PCDHA3: variants seen among roughly 807,000 people sequenced by gnomAD.
The protein encoded by PCDHA3 is protocadherin alpha-3.
PCDHA3 carries 41 observed loss-of-function variants against 62.2 expected under a neutral mutation model. That is an observed-to-expected ratio of 0.66 (90% CI 0.51 to 0.86). PCDHA3 has a LOEUF of 0.86. Ranked by LOEUF, PCDHA3 falls within the 40% of genes least tolerant of loss-of-function variation. PCDHA3 has a pLI of 0.00. For missense variants in PCDHA3, 1,304 were observed against 1,241.2 expected, an observed-to-expected ratio of 1.05 and a Z score of -0.76; for synonymous variants, 640 against 555.4, an observed-to-expected ratio of 1.15 and a Z score of -2.14.
At chr5:141,002,807 C>T (rs1297773193) in intron 3 of PCDHA3, among the ~76,000 whole-genome samples, 1 of 152,152 alleles carries the variant, frequency 6.6e-6, no homozygotes, top group Non-Finnish European at 1.5e-5. Flanking sequence ...GAAACTGAGG[C>T]TCAGAGATAT....
Position 140,802,938 on chromosome 5 carries a change from G to A in PCDHA3, c.1741G>A (p.Val581Met), listed in dbSNP as rs1581656451. 6.2e-7 allele frequency: 1 copy of A among 1,613,838 alleles called. No homozygotes were observed. The highest frequency in any genetic ancestry group is 8.5e-7 in the Non-Finnish European group (1 of 1,179,884). ...GGIGGAVSELVPRSVGAGHVV... is the reference protein window; with the variant it reads ...GGIGGAVSELMPRSVGAGHVV... ...CATCGGTGGCGCAGTGAGCGAGCTG[G>A]TGCCGCGGTCAGTGGGTGCGGGCCA... The change falls in exon 1 of 4, where the codon GTG becomes ATG. Residue 581 changes from valine to methionine, a missense_variant. Transcript: ENST00000522353.
At chr5:140,949,670 T>G (rs1218670800) in intron 1 of PCDHA3, among the ~76,000 whole-genome samples, 2 of 151,862 alleles carry the variant, frequency 1.3e-5, no homozygotes, top group African/African-American at 4.8e-5. Flanking sequence ...CTTTAAAGTA[T>G]GCCCTTGTTG....
chr5:140,835,702 G>T, intron 1 of PCDHA3: 1 of 1,613,922 alleles, frequency 6.2e-7, no homozygotes, highest in South Asian at 1.1e-5. Context: ...GCCACTGCTA[G>T]CGTGTCCGTG....
intron 1 of PCDHA3, chr5:140,851,868 C>A: frequency 1.0e-6 from 1 of 976,710 alleles, no homozygotes; most frequent in Non-Finnish European, 1.2e-6. Context: ...ATACATAACA[C>A]AAGGCAGAAA....
chr5:140,853,680 C>T (rs142269623), intron 1 of PCDHA3: 5 of 988,078 alleles, frequency 5.1e-6, no homozygotes, highest in Non-Finnish European at 6.1e-6. Flanking sequence ...TATGGTCAAC[C>T]TATCCTTAGA....
At position 141,012,226 on chromosome 5, in the gene PCDHA3, A is replaced by G. The variant is rs1021307000; in HGVS notation, c.*2289A>G. Reference sequence around the variant, plus strand: ...TTTTACATTTGCGAAGTGCTTTCCAATCCATGTTAGTTACTAGTTATTACA... The same window carrying G: ...TTTTACATTTGCGAAGTGCTTTCCAGTCCATGTTAGTTACTAGTTATTACA... On this transcript the variant is annotated 3_prime_UTR_variant, in exon 4 of 4. Transcript: ENST00000522353. The G allele has an allele frequency of 2.6e-5, 4 of 153,758 alleles. No individual in the cohort carries two copies. Among genetic ancestry groups the G allele is most frequent in the African/African-American group, 9.7e-5 (4 of 41,442 alleles). 9.5% of individuals were successfully genotyped at this position (153,758 alleles called of 1,614,324 possible). A position where few individuals can be genotyped will look rare whatever the true frequency, so the allele number is the denominator to read the frequency against.
chr5:140,822,477 T>G (rs201571132), intron 1 of PCDHA3: 746 of 1,613,830 alleles, frequency 4.6e-4, no homozygotes, highest in Non-Finnish European at 6.1e-4. Flanking sequence ...TATTGGATGC[T>G]AATGATAACG....
rs1289602070 is a variant in PCDHA3, at chr5:140,823,010, T to A, written c.2394+19419T>A. 3 of 1,614,120 alleles carry A rather than the reference T, an allele frequency of 1.9e-6. No homozygotes were observed. In the African/African-American group the frequency reaches 4.0e-5, roughly 22 times the overall value. On this transcript the variant is annotated intron_variant, in intron 1 of 3. Coordinates refer to ENST00000522353, the MANE Select transcript of PCDHA3 (RefSeq NM_018906.3). Reference sequence around the variant, plus strand: ...TACTCGTTGGTGCTGGACAGCGCCCTGGACCGCGAGAGCGTGTCGGTCTAT... The same window carrying A: ...TACTCGTTGGTGCTGGACAGCGCCCAGGACCGCGAGAGCGTGTCGGTCTAT...
chr5:140,876,723 C>G, intron 1 of PCDHA3: 2 of 1,614,250 alleles, frequency 1.2e-6, no homozygotes, highest in African/African-American at 2.7e-5. Flanking sequence ...ACCGCGAGAG[C>G]GTGTCGGCCT....
In PCDHA3 at chr5:140,808,480, C is replaced by T. The variant is rs782378137; in HGVS notation, c.2394+4889C>T. The T allele has an allele frequency of 2.5e-6, 4 of 1,614,062 alleles. No homozygotes were observed. The East Asian group carries it at 6.7e-5, about 27-fold the overall frequency. Reference sequence around the variant, plus strand: ...TGGTGGTGACCGCGCGAGACGGGGGCTCGCCTTCGCTGTGGGCCACGGCCA... The same window carrying T: ...TGGTGGTGACCGCGCGAGACGGGGGTTCGCCTTCGCTGTGGGCCACGGCCA... On this transcript the variant is annotated intron_variant, in intron 1 of 3. Transcript: ENST00000522353.
At chr5:140,881,335 C>A in intron 1 of PCDHA3, 1 of 984,916 alleles carries the variant, frequency 1.0e-6, no homozygotes, top group Non-Finnish European at 1.2e-6. Context: ...ACCAGGACGC[C>A]GATTCGGGCT....
rs781996568 is a variant in PCDHA3, at chr5:140,803,096, G to A, written c.1899G>A (p.Thr633=). 1.2e-6 allele frequency: 2 copies of A among 1,613,762 alleles called. No individual in the cohort carries two copies. Among genetic ancestry groups the A allele is most frequent in the African/African-American group, 1.3e-5 (1 of 74,952 alleles). The change falls in exon 1 of 4, where the codon ACG becomes ACA. Residue 633 remains threonine (T), a synonymous_variant. Coordinates refer to ENST00000522353, the MANE Select transcript of PCDHA3 (RefSeq NM_018906.3). The stretch of plus-strand genomic sequence containing the variant: ...GGCTGTACACGGGAGAGATCAGCAC[G>A]ACCCGTGCCCTGGACGAGGTGGACG... ...RVGLYTGEIS[T]TRALDEVDAP... is the part of the protein sequence containing the mutation.
intron 1 of PCDHA3, chr5:140,843,152 CT>C (rs2150353947): frequency 6.3e-6 from 10 of 1,596,024 alleles, no homozygotes; most frequent in Non-Finnish European, 6.9e-6. Flanking sequence ...TTCGTATGAG[CT>C]GCAGCCAGCT....
rs1307934746 is a variant in PCDHA3, at chr5:140,846,014, A to C, written c.2394+42423A>C. 1.3e-5 allele frequency among the ~76,000 whole-genome samples: 2 copies of C among 149,776 alleles called. 1 individual carries two copies. Among genetic ancestry groups the C allele is most frequent in the Non-Finnish European group, 3.0e-5 (2 of 66,864 alleles). On this transcript the variant is annotated intron_variant, in intron 1 of 3. Transcript: ENST00000522353. ...TGTGGTGGAATGAAAAAAATCTAAA[A>C]GTTATTACGAGTTTAGGAAAGTCAA...
At chr5:140,808,990 G>A (rs2879087) in intron 1 of PCDHA3, 28 of 1,613,530 alleles carry the variant, frequency 1.7e-5, no homozygotes, top group South Asian at 8.8e-5. Flanking sequence ...ATGCTGACTC[G>A]GGCTACAACG....
At chr5:140,807,834 A>G (rs1272639969) in intron 1 of PCDHA3, 1 of 1,614,086 alleles carries the variant, frequency 6.2e-7, no homozygotes, top group East Asian at 2.2e-5. Flanking sequence ...ACAGCCACTG[A>G]TGGAGGCAAA....
intron 1 of PCDHA3, chr5:140,850,770 T>A: frequency 6.3e-7 from 1 of 1,598,038 alleles, no homozygotes; most frequent in Non-Finnish European, 8.6e-7. Context: ...GCAGAGGGTG[T>A]GCTCTGGCGA....
At chr5:140,858,581 T>A in intron 1 of PCDHA3, 1 of 1,350,098 alleles carries the variant, frequency 7.4e-7, no homozygotes, top group Non-Finnish European at 1.0e-6. Flanking sequence ...CTTTGTAATA[T>A]AATTTATTCC....
intron 1 of PCDHA3, chr5:140,849,642 G>C (rs2150443693): frequency 3.8e-6 from 6 of 1,598,700 alleles, no homozygotes; most frequent in Admixed American, 3.4e-5. Flanking sequence ...AGATGCCAAC[G>C]GGCAGGTTAC....
Sources: gnomAD v4.1 joint callset for allele counts (sites outside exome capture counted in the v4.1 genomes callset) on GRCh38, gnomAD v4.1.1 for gene constraint, MANE v1.5 for transcripts, NCBI Gene and HGNC (gene_info 2026-07-23, HGNC 2026-07-21) for gene names.